The following PHACTR3 variants were observed in gnomAD, a reference collection of about 807,000 sequenced individuals.
The protein encoded by PHACTR3 is protein phosphatase 1, regulatory subunit 123.
In PHACTR3, 16 loss-of-function variants were observed where a neutral mutation model predicts 66.8. The observed-to-expected ratio is 0.24, with a 90% CI of 0.16 to 0.36. The LOEUF is 0.36. Ranked by LOEUF, PHACTR3 falls within the 10% of genes least tolerant of loss-of-function variation. The pLI is 1.00. For missense variants in PHACTR3, 647 were observed against 719.9 expected (o/e 0.90, Z 1.16); for synonymous variants, 323 against 292.1 (o/e 1.11, Z -1.08).
intron 8 of PHACTR3, among the ~76,000 whole-genome samples, chr20:59,813,482 A>G (rs1338929): frequency 0.073 from 11,034 of 152,028 alleles, 799 homozygotes; most frequent in African/African-American, 0.19. Context: ...TGGGGTGCTT[A>G]CCCCCCAATT....
intron 7 of PHACTR3, among the ~76,000 whole-genome samples, chr20:59,789,259 G>C (rs2041019177): frequency 6.6e-6 from 1 of 152,178 alleles, no homozygotes; most frequent in African/African-American, 2.4e-5. Flanking sequence ...AGAGACTGGA[G>C]TCTGGGCTAC....
chr20:59,739,649 A>G (rs1274865283), intron 1 of PHACTR3, among the ~76,000 whole-genome samples: 3 of 152,080 alleles, frequency 2.0e-5, no homozygotes, highest in Non-Finnish European at 4.4e-5. Flanking sequence ...TGATCCAATC[A>G]CCTCCACCTG....
At chr20:59,727,619 A>G (rs1235813765) in intron 1 of PHACTR3, among the ~76,000 whole-genome samples, 7 of 152,152 alleles carry the variant, frequency 4.6e-5, no homozygotes, top group Admixed American at 1.3e-4. Flanking sequence ...ACCTTGGGCA[A>G]GTCACCTCTC....
intron 1 of PHACTR3, among the ~76,000 whole-genome samples, chr20:59,609,566 T>G (rs1459251533): frequency 6.7e-6 from 1 of 149,294 alleles, no homozygotes; most frequent in African/African-American, 2.4e-5. Flanking sequence ...CTCTTCCTCT[T>G]ACCGGTTTTC....
At chr20:59,605,562 G>T (rs1008340520) in intron 1 of PHACTR3, among the ~76,000 whole-genome samples, 6 of 152,186 alleles carry the variant, frequency 3.9e-5, no homozygotes, top group Non-Finnish European at 8.8e-5. Flanking sequence ...GCAGCGCTCC[G>T]CAGCTGAGGC....
chr20:59,620,947 TG>T (rs1272962374), intron 1 of PHACTR3, among the ~76,000 whole-genome samples: 1 of 152,244 alleles, frequency 6.6e-6, no homozygotes, highest in Non-Finnish European at 1.5e-5. Context: ...TACACTAGTG[TG>T]GACGCCTGCA....
intron 1 of PHACTR3, among the ~76,000 whole-genome samples, chr20:59,615,547 A>G (rs1475467488): frequency 6.6e-6 from 1 of 152,216 alleles, no homozygotes. Flanking sequence ...ATTCTCTGCC[A>G]GGTATCACAG....
At chr20:59,751,451 G>T (rs1386074427) in intron 3 of PHACTR3, among the ~76,000 whole-genome samples, 2 of 152,134 alleles carry the variant, frequency 1.3e-5, no homozygotes, top group African/African-American at 4.8e-5. Context: ...ATTGCCCTCT[G>T]CCCTGCACAC....
intron 1 of PHACTR3, among the ~76,000 whole-genome samples, chr20:59,740,558 A>G (rs1407501025): frequency 6.6e-6 from 1 of 152,238 alleles, no homozygotes; most frequent in African/African-American, 2.4e-5. Flanking sequence ...TGGCATCCCA[A>G]AGCATTACGA....
chr20:59,693,212 G>T (rs2037173085), intron 1 of PHACTR3, among the ~76,000 whole-genome samples: 2 of 152,250 alleles, frequency 1.3e-5, no homozygotes, highest in East Asian at 3.9e-4. Flanking sequence ...TCGGCGTCTG[G>T]CACAGACGTC....
At chr20:59,613,417 C>T (rs750100597) in intron 1 of PHACTR3, among the ~76,000 whole-genome samples, 14 of 152,148 alleles carry the variant, frequency 9.2e-5, no homozygotes, top group Non-Finnish European at 1.5e-4. Context: ...GTCCACCTGC[C>T]GAGTTTGACA....
At chr20:59,668,005 T>C (rs534426502) in intron 1 of PHACTR3, among the ~76,000 whole-genome samples, 65 of 152,332 alleles carry the variant, frequency 4.3e-4, no homozygotes, top group African/African-American at 1.4e-3. Context: ...TAAAGGTGAG[T>C]GTATACACCT....
intron 1 of PHACTR3, among the ~76,000 whole-genome samples, chr20:59,655,728 G>A (rs1338662079): frequency 6.6e-6 from 1 of 151,588 alleles, no homozygotes; most frequent in East Asian, 1.9e-4. Flanking sequence ...CTCTTTTCGA[G>A]TGGAGGATTT....
At chr20:59,721,489 CTT>C (rs1439398290) in intron 1 of PHACTR3, 2 of 152,442 alleles carry the variant, frequency 1.3e-5, no homozygotes, top group East Asian at 3.8e-4. Context: ...CACAAAGCAA[CTT>C]TGTCCACTGA....
At chr20:59,756,204 A>T (rs1235817550) in intron 4 of PHACTR3, among the ~76,000 whole-genome samples, 2 of 152,188 alleles carry the variant, frequency 1.3e-5, no homozygotes, top group Non-Finnish European at 1.5e-5. Context: ...CCTCCTGCCC[A>T]CCTGGCAGAG....
chr20:59,582,118 C>T (rs905226530), intron 1 of PHACTR3, among the ~76,000 whole-genome samples: 3 of 152,222 alleles, frequency 2.0e-5, no homozygotes, highest in Non-Finnish European at 2.9e-5. Flanking sequence ...ATCCTCCCCC[C>T]GCCCGCCACC....
At chr20:59,747,920 C>T (rs2039432793) in intron 3 of PHACTR3, 85 bp downstream of exon 3, 1 of 1,414,802 alleles carries the variant, frequency 7.1e-7, no homozygotes, top group African/African-American at 1.4e-5. Flanking sequence ...GGAAGCCCAT[C>T]AGAAACAGTG....
intron 1 of PHACTR3, among the ~76,000 whole-genome samples, chr20:59,705,022 TC>T (rs992308303): frequency 1.3e-5 from 2 of 151,302 alleles, no homozygotes; most frequent in African/African-American, 4.9e-5. Flanking sequence ...AGTGGTGCCA[TC>T]TGGGCTCACT....
chr20:59,580,447 T>C (rs1262017715), intron 1 of PHACTR3, among the ~76,000 whole-genome samples: 1 of 152,176 alleles, frequency 6.6e-6, no homozygotes, highest in African/African-American at 2.4e-5. Flanking sequence ...AGGGATAATG[T>C]GCTATTTCTG....
Sources: allele counts gnomAD v4.1 joint callset (sites outside exome capture counted in the v4.1 genomes callset), GRCh38; gene constraint gnomAD v4.1.1; transcripts MANE v1.5; gene names NCBI Gene and HGNC (gene_info 2026-07-23, HGNC 2026-07-21).